Variants in PADI2 observed in about 807,000 individuals in gnomAD.
PADI2 encodes protein-arginine deiminase type-2.
A neutral mutation model predicts 81.1 loss-of-function variants in PADI2; 70 were observed. That is an observed-to-expected ratio of 0.86 (90% CI 0.71 to 1.05). PADI2 has a LOEUF of 1.05. Among genes scored for constraint, PADI2 ranks in the 50% least tolerant of loss-of-function variants. The pLI is 0.00. For missense variants in PADI2, 853 were observed against 889.9 expected, an observed-to-expected ratio of 0.96 and a Z score of 0.53; for synonymous variants, 338 against 358.0, an observed-to-expected ratio of 0.94 and a Z score of 0.63.
Position 17,092,453 on chromosome 1 carries a change from T to C in PADI2, c.610A>G (p.Ile204Val). The change falls in exon 6 of 16, where the codon ATT becomes GTT. Residue 204 changes from isoleucine (I) to valine (V), a missense_variant. Coordinates refer to ENST00000375486, the MANE Select transcript of PADI2 (RefSeq NM_007365.3). ...ACTTTGTCTGAGTCTGACATGGAAA[T>C]GTACAGAACTATCTCGTATCCGGCG... ...LPAGYEIVLYISMSDSDKVGV... is the reference protein window; with the variant it reads ...LPAGYEIVLYVSMSDSDKVGV... 1.2e-6 allele frequency: 2 copies of C among 1,606,746 alleles called. No individual in the cohort carries two copies. Among genetic ancestry groups the C allele is most frequent in the Non-Finnish European group, 1.7e-6 (2 of 1,177,054 alleles).
At position 17,103,610 on chromosome 1, in the gene PADI2, A is replaced by G. The variant is rs181093420; in HGVS notation, c.277-551T>C. The stretch of plus-strand genomic sequence containing the variant: ...GTTCTGAGCCTCTAAACTTTCTATC[A>G]CTCAGCTGTCTATAATTTTCATCCT... On this transcript the variant is annotated intron_variant, in intron 2 of 15. Transcript: ENST00000375486. Among the ~76,000 whole-genome samples the G allele has an allele frequency of 3.1e-3, 471 of 151,754 alleles. 2 individuals carry two copies. The highest frequency in any genetic ancestry group is 0.012 in the South Asian group (56 of 4,808).
chr1:17,118,813 T>C (rs2100238935), intron 1 of PADI2, among the ~76,000 whole-genome samples: 1 of 152,272 alleles, frequency 6.6e-6, no homozygotes, highest in South Asian at 2.1e-4. Context: ...GGCAGCTCCC[T>C]TCGGGTCCTG....
chr1:17,110,751 C>T lies in PADI2; in HGVS notation c.93-5690G>A, dbSNP rs139723081. 5.0e-3 allele frequency among the ~76,000 whole-genome samples: 756 copies of T among 152,332 alleles called. 18 individuals are homozygous for T. The highest frequency in any genetic ancestry group is 0.039 in the Admixed American group (595 of 15,300). ...CAAGACTTTCCCCTGACTTCTCTGC[C>T]TGGCAAATGTCCATCTCTCCTTGAA... On this transcript the variant is annotated intron_variant, in intron 1 of 15. Coordinates refer to ENST00000375486, the MANE Select transcript of PADI2 (RefSeq NM_007365.3).
intron 3 of PADI2, among the ~76,000 whole-genome samples, chr1:17,102,065 G>C (rs1374127314): frequency 6.6e-6 from 1 of 152,120 alleles, no homozygotes; most frequent in Non-Finnish European, 1.5e-5. Flanking sequence ...CCTGCAATAA[G>C]CAGGCCGCAT....
At position 17,074,867 on chromosome 1, in the gene PADI2, A is replaced by G; in HGVS notation, c.1538T>C (p.Ile513Thr). Residue 513 changes from isoleucine to threonine, a missense_variant, in exon 13 of 16, where the codon ATC becomes ACC. By Grantham distance (89) the Ile-to-Thr change is moderately conservative. Coordinates refer to ENST00000375486, the MANE Select transcript of PADI2 (RefSeq NM_007365.3). ...EKQKDGHGEA[I>T]MFKGLGGMSS... ...CTGTGGCCACTCACCTTTGAACATG[A>G]TGGCCTCTCCATGGCCGTCCTTCTG... The G allele has an allele frequency of 6.2e-7, 1 of 1,609,782 alleles. No homozygotes were observed. The highest frequency in any genetic ancestry group is 1.7e-4 in the Middle Eastern group (1 of 5,816).
chr1:17,109,373 G>A (rs1931492891), intron 1 of PADI2, among the ~76,000 whole-genome samples: 1 of 114,408 alleles, frequency 8.7e-6, no homozygotes, highest in African/African-American at 3.5e-5. Flanking sequence ...GGGTGACAGA[G>A]CGAGACTCTG....
At chr1:17,086,843 G>T in intron 6 of PADI2, 144 bp from the exon 7 acceptor site, 1 of 658,514 alleles carries the variant, frequency 1.5e-6, no homozygotes, top group Non-Finnish European at 2.6e-6. Flanking sequence ...CACCAGAATG[G>T]CCATGGCTAG....
rs139964224 is a variant in PADI2 at position 17,092,468 on chromosome 1, C to T, written c.595G>A (p.Glu199Lys). The change falls in exon 6 of 16, where the codon GAG (glutamate) becomes AAG (lysine). Residue 199 changes from glutamate to lysine, a missense_variant. Coordinates refer to ENST00000375486, the MANE Select transcript of PADI2 (RefSeq NM_007365.3). ...KGPDRLPAGY[E>K]IVLYISMSDS... Reference sequence around the variant, plus strand: ...GACATGGAAATGTACAGAACTATCTCGTATCCGGCGGGGAGGCGGTCGGGG... The same window carrying T: ...GACATGGAAATGTACAGAACTATCTTGTATCCGGCGGGGAGGCGGTCGGGG... The T allele has an allele frequency of 1.5e-4, 245 of 1,606,062 alleles. 2 individuals carry two copies. The Middle Eastern group carries it at 2.2e-3, about 14-fold the overall frequency.
At chr1:17,086,380 G>C (rs1278647400) in intron 7 of PADI2, 141 bp downstream of exon 7, 1 of 631,288 alleles carries the variant, frequency 1.6e-6, no homozygotes, top group Non-Finnish European at 2.7e-6. Context: ...CTTTGCTGGG[G>C]GGCATCGAGG....
chr1:17,095,903 A>G lies in PADI2; in HGVS notation c.411+6T>C. On this transcript the variant is annotated splice_donor_region_variant and intron_variant, in intron 4 of 15. Transcript: ENST00000375486. ...CAGGGTGGTGCCTGCCCTGAAAGCT[A>G]GGTACCTTCTTTGGGTTGTTCTTCT... 1 of 1,558,110 alleles carries G rather than the reference A, an allele frequency of 6.4e-7. No individual in the cohort carries two copies. The highest frequency in any genetic ancestry group is 2.3e-5 in the East Asian group (1 of 44,394).
At chr1:17,078,997 A>G (rs1177833272) in intron 11 of PADI2, 1 of 244,126 alleles carries the variant, frequency 4.1e-6, no homozygotes, top group Non-Finnish European at 7.9e-6. Flanking sequence ...TGCCCCACCA[A>G]CCAGCTGATT....
chr1:17,077,316 C>T (rs1469866591), intron 11 of PADI2, among the ~76,000 whole-genome samples: 1 of 152,124 alleles, frequency 6.6e-6, no homozygotes, highest in Non-Finnish European at 1.5e-5. Context: ...CTGCCCTTAC[C>T]CAACTATAAA....
chr1:17,112,061 T>C (rs1361022698), intron 1 of PADI2, among the ~76,000 whole-genome samples: 1 of 152,052 alleles, frequency 6.6e-6, no homozygotes, highest in African/African-American at 2.4e-5. Context: ...AGATAGATCA[T>C]CCAGGGTGCA....
In PADI2 at chr1:17,068,926, C is replaced by A; in HGVS notation, c.*118G>T. ...GGCACAGATACCCCAAATTCCACCC[C>A]ACGTCCCAAAGGTCTCCCAGCGGGG... On this transcript the variant is annotated 3_prime_UTR_variant, in exon 16 of 16. Transcript: ENST00000375486. 1 of 788,790 alleles carries A rather than the reference C, an allele frequency of 1.3e-6. No individual in the cohort carries two copies. The highest frequency in any genetic ancestry group is 1.6e-5 in the South Asian group (1 of 63,148). 48.9% of individuals were successfully genotyped at this position (788,790 alleles called of 1,614,324 possible).
intron 5 of PADI2, 23 bp from the exon 6 acceptor site, chr1:17,092,556 G>A: frequency 6.4e-7 from 1 of 1,562,908 alleles, no homozygotes; most frequent in Non-Finnish European, 8.7e-7. Context: ...AGGTGAGAAT[G>A]AAGAGATCTA....
rs375383226 is a variant in PADI2, at chr1:17,102,759, G to C, written c.349+228C>G. On this transcript the variant is annotated intron_variant, in intron 3 of 15. Transcript: ENST00000375486. ...AAGGGGACCTTGACACTTGGGGGGGGGTTGCTGATGGATCAGGGAGTGCCT... is the reference window on the plus strand; with the variant it reads ...AAGGGGACCTTGACACTTGGGGGGGCGTTGCTGATGGATCAGGGAGTGCCT... Among the ~76,000 whole-genome samples the C allele has an allele frequency of 3.4e-3, 507 of 151,156 alleles. 2 individuals are homozygous for C. The highest frequency in any genetic ancestry group is 0.011 in the African/African-American group (456 of 41,174).
In PADI2 at chr1:17,102,749, C is replaced by CTG. The variant is rs1166487959; in HGVS notation, c.349+237_349+238insCA. Among the ~76,000 whole-genome samples, 5 of 72,946 alleles carry CTG rather than the reference C, an allele frequency of 6.9e-5. No individual in the cohort carries two copies. The East Asian group carries it at 1.5e-3, about 22-fold the overall frequency. The allele number at this position is 72,946 out of a possible 152,430, so 47.9% of individuals were successfully genotyped here. ...AGAGCCTGGGAAGGGGACCTTGACA[C>CTG]TTGGGGGGGGGTTGCTGATGGATCA... is the stretch of plus-strand genomic sequence containing the variant. On this transcript the variant is annotated intron_variant, in intron 3 of 15. Coordinates refer to ENST00000375486, the MANE Select transcript of PADI2 (RefSeq NM_007365.3).
chr1:17,092,285 C>T, intron 6 of PADI2, 123 bp downstream of exon 6: 5 of 690,786 alleles, frequency 7.2e-6, no homozygotes, highest in East Asian at 2.8e-5. Context: ...TGCCATGTTA[C>T]AATCACTCAG....
chr1:17,110,797 C>T (rs1392943176), intron 1 of PADI2, among the ~76,000 whole-genome samples: 1 of 152,224 alleles, frequency 6.6e-6, no homozygotes, highest in Non-Finnish European at 1.5e-5. Flanking sequence ...CATCCATTTG[C>T]CCCCACAGTT....
Sources: allele counts gnomAD v4.1 joint callset (sites outside exome capture counted in the v4.1 genomes callset), GRCh38; gene constraint gnomAD v4.1.1; transcripts MANE v1.5; gene names NCBI Gene and HGNC (gene_info 2026-07-23, HGNC 2026-07-21).